TNRC18: variants seen among roughly 807,000 people sequenced by gnomAD.
TNRC18 encodes trinucleotide repeat-containing gene 18 protein.
In TNRC18, 69 loss-of-function variants were observed where a neutral mutation model predicts 226.7. The ratio of observed to expected loss-of-function variants is 0.30; its 90% CI spans 0.25 to 0.37. The LOEUF (loss-of-function observed/expected upper bound fraction) is 0.37. Ranked by LOEUF, TNRC18 falls within the 10% of genes least tolerant of loss-of-function variation. The pLI is 1.00. For synonymous variants in TNRC18, 2,449 were observed against 1,927.6 expected (o/e 1.27, Z -7.09); for missense variants, 4,754 against 4,256.6 (o/e 1.12, Z -3.25).
chr7:5,369,507 C>A (rs924513781), intron 11 of TNRC18, among the ~76,000 whole-genome samples: 1 of 152,068 alleles, frequency 6.6e-6, no homozygotes, highest in African/African-American at 2.4e-5. Flanking sequence ...CCACCCCCCA[C>A]CCCAGTGAGG....
At chr7:5,367,723 T>C (rs1052124296) in intron 11 of TNRC18, among the ~76,000 whole-genome samples, 2 of 151,138 alleles carry the variant, frequency 1.3e-5, no homozygotes, top group African/African-American at 4.9e-5. Flanking sequence ...CCACCGTGCC[T>C]GGCCAACCAA....
intron 27 of TNRC18, among the ~76,000 whole-genome samples, chr7:5,310,966 A>G (rs1320597600): frequency 6.6e-6 from 1 of 151,872 alleles, no homozygotes; most frequent in African/African-American, 2.4e-5. Flanking sequence ...GTGCACGTGT[A>G]CTCGTGTGCA....
chr7:5,422,604 C>T (rs1009780856), intron 1 of TNRC18, among the ~76,000 whole-genome samples: 9 of 152,324 alleles, frequency 5.9e-5, no homozygotes, highest in Admixed American at 3.9e-4. Context: ...AAGCCACCGG[C>T]TCCCGGGTGC....
At chr7:5,338,785 A>G (rs1246694010) in intron 18 of TNRC18, among the ~76,000 whole-genome samples, 1 of 151,510 alleles carries the variant, frequency 6.6e-6, no homozygotes, top group African/African-American at 2.4e-5. Flanking sequence ...CCAGGCATGG[A>G]GGCGCATGCC....
chr7:5,397,133 G>A (rs569366997), intron 2 of TNRC18, among the ~76,000 whole-genome samples: 51 of 152,208 alleles, frequency 3.4e-4, no homozygotes, highest in African/African-American at 1.0e-3. Context: ...GGACTCCAGC[G>A]CCAAGCCCTC....
chr7:5,385,445 G>A lies in TNRC18; in HGVS notation c.2152+2227C>T, dbSNP rs1430337454. 4.3e-3 allele frequency among the ~76,000 whole-genome samples: 566 copies of A among 133,162 alleles called. 3 individuals are homozygous for A. The highest frequency in any genetic ancestry group is 0.014 in the African/African-American group (541 of 38,054). 87.4% of individuals were successfully genotyped at this position (133,162 alleles called of 152,430 possible). ...GGAGCTTGCAGTGAGCCGAGATTGCGCCACTGCAGTCCGCAGTCCGGCCTG... is the reference window on the plus strand; with the variant it reads ...GGAGCTTGCAGTGAGCCGAGATTGCACCACTGCAGTCCGCAGTCCGGCCTG... On this transcript the variant is annotated intron_variant, in intron 5 of 29. Transcript: ENST00000430969.
intron 21 of TNRC18, among the ~76,000 whole-genome samples, chr7:5,323,759 G>T (rs1237017650): frequency 1.3e-5 from 2 of 152,048 alleles, no homozygotes; most frequent in East Asian, 1.9e-4. Flanking sequence ...GTAGAATCAG[G>T]GTTTCACCAT....
chr7:5,410,916 AAGG>A (rs1354240888), intron 2 of TNRC18, among the ~76,000 whole-genome samples: 1 of 150,908 alleles, frequency 6.6e-6, no homozygotes, highest in Non-Finnish European at 1.5e-5. Flanking sequence ...AGAGAAAAGA[AAGG>A]AGAAGGCTGG....
chr7:5,385,998 A>AAC (rs1176551747), intron 5 of TNRC18, among the ~76,000 whole-genome samples: 2 of 150,104 alleles, frequency 1.3e-5, no homozygotes, highest in East Asian at 2.0e-4. Flanking sequence ...AAAAAAAAAA[A>AAC]AAAAAAAAAC....
intron 11 of TNRC18, among the ~76,000 whole-genome samples, chr7:5,364,465 ACACACACACACACACAC>A (rs1793410447): frequency 1.3e-4 from 1 of 7,654 alleles, no homozygotes; most frequent in South Asian, 8.3e-3. Flanking sequence ...CAAAGAAAAC[ACACACACACACACACAC>A]ACACACACAC....
intron 2 of TNRC18, among the ~76,000 whole-genome samples, chr7:5,411,462 G>A (rs369032063): frequency 7.1e-6 from 1 of 141,648 alleles, no homozygotes; most frequent in Non-Finnish European, 1.5e-5. Context: ...AGGTTGCAGT[G>A]AGCCAAGATG....
chr7:5,325,063 C>G (rs1788755770), intron 20 of TNRC18, 33 bp downstream of exon 20: 9 of 1,548,322 alleles, frequency 5.8e-6, no homozygotes, highest in Middle Eastern at 2.3e-4. Context: ...CTGAGCCCCC[C>G]ACAGCCCCCA....
rs1794399460 is a variant in TNRC18 at position 5,374,059 on chromosome 7, G to C, written c.3225C>G (p.Phe1075Leu). 1 of 1,564,374 alleles carries C rather than the reference G, an allele frequency of 6.4e-7. No individual in the cohort carries two copies. Among genetic ancestry groups the C allele is most frequent in the Non-Finnish European group, 8.6e-7 (1 of 1,159,490 alleles). Residue 1075 changes from phenylalanine (F) to leucine (L), a missense_variant, in exon 10 of 30, where the codon TTC becomes TTG. Coordinates refer to ENST00000430969, the MANE Select transcript of TNRC18 (RefSeq NM_001080495.3). ...KEAPSPFQAL[F>L]SDIPPRYPFQ... Reference sequence around the variant, plus strand: ...AGGGTCTCAGCTGCATCCTACCTGAGAACAGGGCCTGGAAGGGGCTGGGGG... The same window carrying C: ...AGGGTCTCAGCTGCATCCTACCTGACAACAGGGCCTGGAAGGGGCTGGGGG...
Position 5,313,132 on chromosome 7 carries a change from C to T in TNRC18, c.7759G>A (p.Gly2587Ser). ...CAGCCCCCGTCCCCGTTCTTGTCGC[C>T]TTCCTCCTCCCCTTCTGTCTCCGAG... ...SGSETEGEEE[G>S]DKNGDGGCGT... Residue 2587 changes from glycine (G) to serine (S), a missense_variant, in exon 27 of 30, where the codon GGC becomes AGC. Gly to Ser is a moderately conservative substitution (Grantham distance 56). Transcript: ENST00000430969. 6.6e-7 allele frequency: 1 copy of T among 1,509,402 alleles called. No individual in the cohort carries two copies. The highest frequency in any genetic ancestry group is 8.9e-7 in the Non-Finnish European group (1 of 1,117,864). The allele number at this position is 1,509,402 out of a possible 1,614,324, so 93.5% of individuals were successfully genotyped here.
At chr7:5,396,757 G>A (rs1248028716) in intron 2 of TNRC18, among the ~76,000 whole-genome samples, 1 of 152,068 alleles carries the variant, frequency 6.6e-6, no homozygotes, top group Non-Finnish European at 1.5e-5. Flanking sequence ...GTTTACAGGG[G>A]GCATGGATAA....
At chr7:5,317,501 G>C (rs192616976) in intron 24 of TNRC18, among the ~76,000 whole-genome samples, 6 of 152,158 alleles carry the variant, frequency 3.9e-5, no homozygotes, top group Non-Finnish European at 7.4e-5. Flanking sequence ...TGAGGCAGGA[G>C]AATCACTTGA....
At chr7:5,399,860 G>A (rs374499021) in intron 2 of TNRC18, among the ~76,000 whole-genome samples, 10 of 143,228 alleles carry the variant, frequency 7.0e-5, no homozygotes, top group East Asian at 6.4e-4. Flanking sequence ...ACCACCCCCC[G>A]CCCCCGCCCC....
intron 5 of TNRC18, among the ~76,000 whole-genome samples, chr7:5,383,880 C>T (rs1779569738): frequency 6.6e-6 from 1 of 151,932 alleles, no homozygotes; most frequent in South Asian, 2.1e-4. Context: ...GCAGCCTTGA[C>T]CTCCTGGGCT....
intron 2 of TNRC18, among the ~76,000 whole-genome samples, chr7:5,418,908 G>A (rs1782359720): frequency 6.6e-6 from 1 of 152,318 alleles, no homozygotes; most frequent in Non-Finnish European, 1.5e-5. Flanking sequence ...GGGGTCCGAG[G>A]TCTCCTTGCG....
Sources: gnomAD v4.1 joint callset for allele counts (sites outside exome capture counted in the v4.1 genomes callset) on GRCh38, gnomAD v4.1.1 for gene constraint, MANE v1.5 for transcripts, NCBI Gene and HGNC (gene_info 2026-07-23, HGNC 2026-07-21) for gene names.